BBOX1: variants seen among roughly 807,000 people sequenced by gnomAD.
BBOX1 encodes the protein gamma-butyrobetaine hydroxylase 1.
BBOX1 carries 35 observed loss-of-function variants against 41.6 expected under a neutral mutation model. That is an observed-to-expected ratio of 0.84 (90% CI 0.64 to 1.11). The LOEUF (loss-of-function observed/expected upper bound fraction) is 1.11, where lower values mean the gene tolerates loss of function less well. Ranked by LOEUF, BBOX1 falls within the 50% of genes most tolerant of loss-of-function variation. The probability of loss-of-function intolerance (pLI) is 0.00; values close to 1 mark genes in which losing one functional copy is unlikely to be tolerated. For synonymous variants in BBOX1, 163 were observed against 154.7 expected (o/e 1.05, Z -0.40); for missense variants, 458 against 460.6 (o/e 0.99, Z 0.05).
At chr11:27,118,746 A>C (rs1292997086) in intron 6 of BBOX1, among the ~76,000 whole-genome samples, 1 of 151,968 alleles carries the variant, frequency 6.6e-6, no homozygotes, top group Admixed American at 6.6e-5. Flanking sequence ...TGTACAAAAG[A>C]AAGTATCAAG....
intron 7 of BBOX1, among the ~76,000 whole-genome samples, chr11:27,124,623 G>A (rs770004784): frequency 4.9e-4 from 75 of 152,208 alleles, no homozygotes; most frequent in Admixed American, 2.0e-3. Flanking sequence ...GTTCAAGCAG[G>A]TGCCTGCCAC....
chr11:27,112,949 T>C (rs1217491241), intron 5 of BBOX1, among the ~76,000 whole-genome samples: 2 of 151,758 alleles, frequency 1.3e-5, no homozygotes, highest in Non-Finnish European at 1.5e-5. Context: ...GGAACATAAA[T>C]TTACAAGCAA....
chr11:27,066,063 T>A (rs905239693), intron 4 of BBOX1, among the ~76,000 whole-genome samples: 1 of 152,190 alleles, frequency 6.6e-6, no homozygotes. Context: ...TATTCTAATG[T>A]TTTTGCTCTT....
intron 4 of BBOX1, among the ~76,000 whole-genome samples, chr11:27,079,788 C>T (rs1261377472): frequency 6.6e-6 from 1 of 152,118 alleles, no homozygotes; most frequent in Non-Finnish European, 1.5e-5. Context: ...GCTCCACATA[C>T]AGCATTTTCC....
chr11:27,094,014 A>G (rs2134045338), intron 5 of BBOX1, among the ~76,000 whole-genome samples: 1 of 152,102 alleles, frequency 6.6e-6, no homozygotes, highest in South Asian at 2.1e-4. Context: ...AGTTCATTAA[A>G]CTTTTACCTC....
chr11:27,055,650 G>T lies in BBOX1; in HGVS notation c.219+1G>T, dbSNP rs751997909. On this transcript the variant is annotated splice_donor_variant, in intron 3 of 8. Coordinates refer to ENST00000263182, the MANE Select transcript of BBOX1 (RefSeq NM_003986.3). LOFTEE classifies it high-confidence loss of function. ...AGGCTTGATATTTGACAGAAAAAAG[G>T]TAATTATCTCTAAATTATGTCTCCC... 2 of 1,606,616 alleles carry T rather than the reference G, an allele frequency of 1.2e-6. No homozygotes were observed. The highest frequency in any genetic ancestry group is 1.7e-6 in the Non-Finnish European group (2 of 1,173,676).
intron 4 of BBOX1, among the ~76,000 whole-genome samples, chr11:27,081,503 C>T (rs1857834268): frequency 6.6e-6 from 1 of 152,032 alleles, no homozygotes; most frequent in African/African-American, 2.4e-5. Context: ...GTGAATAGTG[C>T]CACAATAAAC....
chr11:27,048,509 T>A (rs568411901), intron 2 of BBOX1, among the ~76,000 whole-genome samples: 8 of 149,140 alleles, frequency 5.4e-5, no homozygotes, highest in African/African-American at 2.0e-4. Flanking sequence ...ATGATATAGA[T>A]AGATGATAGG....
chr11:27,092,491 T>A (rs1206213381), intron 4 of BBOX1, among the ~76,000 whole-genome samples: 4 of 152,026 alleles, frequency 2.6e-5, no homozygotes, highest in Non-Finnish European at 1.5e-5. Flanking sequence ...TTTTTCTTTC[T>A]GTTTTCTCAA....
chr11:27,126,860 G>A (rs1859677223), intron 8 of BBOX1, among the ~76,000 whole-genome samples: 2 of 151,898 alleles, frequency 1.3e-5, no homozygotes, highest in South Asian at 4.1e-4. Context: ...ATTTTTAGTA[G>A]AGACAGGGTT....
rs1463393223 is a variant in BBOX1, at chr11:27,127,567, C to T, written c.*114C>T. The T allele has an allele frequency of 1.0e-5, 12 of 1,193,988 alleles. No homozygotes were observed. Among genetic ancestry groups the T allele is most frequent in the Admixed American group, 8.5e-5 (3 of 35,188 alleles). The allele number at this position is 1,193,988 out of a possible 1,614,324, so 74.0% of individuals were successfully genotyped here. ...TACATATAATTTCCTTAACAATGAA[C>T]ATGTAACTTCTCTCACAAGAGTACT... On this transcript the variant is annotated 3_prime_UTR_variant, in exon 9 of 9. Transcript: ENST00000263182.
chr11:27,092,599 A>G (rs377712244), intron 4 of BBOX1, among the ~76,000 whole-genome samples: 11 of 152,108 alleles, frequency 7.2e-5, no homozygotes, highest in African/African-American at 2.6e-4. Context: ...AGGTCTATGC[A>G]TTCCAGGAAT....
intron 2 of BBOX1, among the ~76,000 whole-genome samples, chr11:27,049,798 T>C (rs939761144): frequency 6.6e-6 from 1 of 152,130 alleles, no homozygotes; most frequent in Non-Finnish European, 1.5e-5. Flanking sequence ...TTTCTCTCAT[T>C]TTTTAGGCTG....
At chr11:27,085,547 A>G (rs936634671) in intron 4 of BBOX1, among the ~76,000 whole-genome samples, 10 of 132,956 alleles carry the variant, frequency 7.5e-5, no homozygotes, top group Non-Finnish European at 1.6e-5. Context: ...GTCCAGCCAC[A>G]TTCCCCCATC....
At chr11:27,070,852 T>C (rs1467436252) in intron 4 of BBOX1, among the ~76,000 whole-genome samples, 2 of 152,150 alleles carry the variant, frequency 1.3e-5, no homozygotes. Flanking sequence ...TTTCTCATTG[T>C]ATTACTGTTT....
At chr11:27,085,272 A>AT (rs35209473) in intron 4 of BBOX1, among the ~76,000 whole-genome samples, 1 of 152,242 alleles carries the variant, frequency 6.6e-6, no homozygotes, top group South Asian at 2.1e-4. Flanking sequence ...CAGATACTGC[A>AT]TTTTTTACAA....
chr11:27,124,596 C>G (rs533071779), intron 7 of BBOX1, among the ~76,000 whole-genome samples: 1 of 152,316 alleles, frequency 6.6e-6, no homozygotes, highest in South Asian at 2.1e-4. Context: ...CCGCTCACTG[C>G]AACCTCTGCC....
intron 2 of BBOX1, among the ~76,000 whole-genome samples, chr11:27,053,109 C>T (rs1482006130): frequency 6.6e-6 from 1 of 152,026 alleles, no homozygotes; most frequent in Non-Finnish European, 1.5e-5. Flanking sequence ...GATATGCATT[C>T]AGCAATGTTG....
chr11:27,107,056 A>G (rs1028402835), intron 5 of BBOX1, among the ~76,000 whole-genome samples: 2 of 152,216 alleles, frequency 1.3e-5, no homozygotes, highest in African/African-American at 4.8e-5. Flanking sequence ...CAAAGACACA[A>G]CATACTAGAA....
Sources: allele counts gnomAD v4.1 joint callset (sites outside exome capture counted in the v4.1 genomes callset), GRCh38; gene constraint gnomAD v4.1.1; transcripts MANE v1.5; gene names NCBI Gene and HGNC (gene_info 2026-07-23, HGNC 2026-07-21).